The following STARD3NL variants were observed in gnomAD, a reference collection of about 807,000 sequenced individuals.
STARD3NL encodes the protein STARD3 N-terminal-like protein.
In STARD3NL, 17 loss-of-function variants were observed where a neutral mutation model predicts 30.9. The observed-to-expected ratio is 0.55, with a 90% confidence interval of 0.38 to 0.82. The LOEUF (loss-of-function observed/expected upper bound fraction) is 0.82. STARD3NL is among the 40% of genes least tolerant of loss of function. The pLI is 0.00. For synonymous variants in STARD3NL, 112 were observed against 100.5 expected, an observed-to-expected ratio of 1.11 and a Z score of -0.69; for missense variants, 234 against 277.6, an observed-to-expected ratio of 0.84 and a Z score of 1.12.
intron 6 of STARD3NL, among the ~76,000 whole-genome samples, chr7:38,218,049 A>G (rs1457023728): frequency 6.6e-6 from 1 of 152,176 alleles, no homozygotes; most frequent in Non-Finnish European, 1.5e-5. Context: ...CTTTATGGTA[A>G]ATTACCAAGC....
At chr7:38,219,154 C>T (rs1305993600) in intron 6 of STARD3NL, among the ~76,000 whole-genome samples, 1 of 152,180 alleles carries the variant, frequency 6.6e-6, no homozygotes, top group Non-Finnish European at 1.5e-5. Context: ...TCAAGCAATC[C>T]TCCCACCTTA....
intron 7 of STARD3NL, among the ~76,000 whole-genome samples, chr7:38,221,633 AGTATAT>A (rs2116400601): frequency 6.6e-6 from 1 of 152,366 alleles, no homozygotes; most frequent in East Asian, 1.9e-4. Context: ...TAACTGCTAA[AGTATAT>A]TAGCCTCTTG....
intron 1 of STARD3NL, among the ~76,000 whole-genome samples, chr7:38,203,178 T>C (rs1785271672): frequency 6.6e-6 from 1 of 152,018 alleles, no homozygotes; most frequent in South Asian, 2.1e-4. Context: ...AGACACATAA[T>C]TGTCAGATTC....
At chr7:38,213,108 G>A (rs1168847077) in intron 2 of STARD3NL, among the ~76,000 whole-genome samples, 4 of 152,180 alleles carry the variant, frequency 2.6e-5, no homozygotes, top group African/African-American at 9.7e-5. Context: ...GCAAGGGGAG[G>A]TCTCTATGTG....
At chr7:38,201,997 T>C (rs1031887453) in intron 1 of STARD3NL, 1 of 152,220 alleles carries the variant, frequency 6.6e-6, no homozygotes, top group African/African-American at 2.4e-5. Flanking sequence ...CCTCAGCTAT[T>C]TTCTTAAACT....
intron 1 of STARD3NL, among the ~76,000 whole-genome samples, chr7:38,192,335 G>A (rs1008203747): frequency 4.6e-5 from 7 of 152,240 alleles, no homozygotes; most frequent in Admixed American, 4.6e-4. Flanking sequence ...AAAGTATGCG[G>A]CATGATAGAT....
intron 1 of STARD3NL, among the ~76,000 whole-genome samples, chr7:38,185,278 T>C (rs1269368310): frequency 6.6e-6 from 1 of 152,246 alleles, no homozygotes; most frequent in East Asian, 1.9e-4. Context: ...ATTTTGAGAC[T>C]GACTTTCCCT....
chr7:38,179,692 A>G (rs1784169352), intron 1 of STARD3NL, among the ~76,000 whole-genome samples: 2 of 152,254 alleles, frequency 1.3e-5, no homozygotes, highest in Non-Finnish European at 2.9e-5. Context: ...CATGTAAATC[A>G]AAGAGACAAG....
chr7:38,190,455 GTGTA>G (rs1373060267), intron 1 of STARD3NL, among the ~76,000 whole-genome samples: 1 of 152,136 alleles, frequency 6.6e-6, no homozygotes, highest in Non-Finnish European at 1.5e-5. Flanking sequence ...TTCATATTGT[GTGTA>G]TGTGTGTATA....
chr7:38,193,279 T>C (rs1017356893), intron 1 of STARD3NL, among the ~76,000 whole-genome samples: 1 of 131,790 alleles, frequency 7.6e-6, no homozygotes, highest in Non-Finnish European at 1.7e-5. Context: ...TTAGGATTAG[T>C]TTTTTGTTGT....
At chr7:38,201,596 AGACTG>A (rs762171211) in intron 1 of STARD3NL, 24 of 152,240 alleles carry the variant, frequency 1.6e-4, no homozygotes, top group Non-Finnish European at 3.1e-4. Context: ...GCTAATTATT[AGACTG>A]GCTTAGAATT....
At chr7:38,225,881 T>C (rs1295555397) in intron 7 of STARD3NL, among the ~76,000 whole-genome samples, 1 of 152,226 alleles carries the variant, frequency 6.6e-6, no homozygotes, top group Non-Finnish European at 1.5e-5. Flanking sequence ...TGGATCTCTT[T>C]GTATATATCC....
intron 4 of STARD3NL, 52 bp from the exon 5 acceptor site, chr7:38,216,973 T>C (rs1786154338): frequency 1.2e-6 from 2 of 1,602,260 alleles, no homozygotes; most frequent in Admixed American, 3.4e-5. Context: ...GGGAGGTACC[T>C]TCACAGTGTG....
intron 7 of STARD3NL, among the ~76,000 whole-genome samples, chr7:38,225,523 G>A (rs899626973): frequency 6.9e-6 from 1 of 145,570 alleles, no homozygotes; most frequent in Admixed American, 7.0e-5. Context: ...TATGGAGGAG[G>A]TAAGGGATTA....
intron 3 of STARD3NL, 49 bp from the exon 4 acceptor site, chr7:38,214,979 C>T (rs745918813): frequency 1.3e-6 from 2 of 1,533,808 alleles, no homozygotes; most frequent in South Asian, 1.1e-5. Context: ...AAAGCTGTGT[C>T]ATTTTTGTAT....
chr7:38,214,405 G>T lies in STARD3NL; in HGVS notation c.274G>T (p.Asp92Tyr). 1 of 1,605,928 alleles carries T rather than the reference G, an allele frequency of 6.2e-7. No homozygotes were observed. Among genetic ancestry groups the T allele is most frequent in the South Asian group, 1.1e-5 (1 of 90,676 alleles). Residue 92 changes from aspartate (D) to tyrosine (Y), a missense_variant, in exon 3 of 9, where the codon GAC becomes TAC. Coordinates refer to ENST00000009041, the MANE Select transcript of STARD3NL (RefSeq NM_032016.4). ...NTLEKEVMQY[D>Y]YYSSYFDIFL... ...ATTAGAGAAGGAGGTGATGCAGTAT[G>T]ACTACTATTCTTCATATTTTGATAT...
At chr7:38,228,660 A>G (rs771143051) in intron 7 of STARD3NL, 139 bp from the exon 8 acceptor site, 11 of 610,930 alleles carry the variant, frequency 1.8e-5, no homozygotes, top group East Asian at 1.2e-4. Context: ...ATAGCAGTTA[A>G]CCTAAATCTC....
intron 1 of STARD3NL, among the ~76,000 whole-genome samples, chr7:38,198,826 G>A (rs1785044866): frequency 6.6e-6 from 1 of 152,208 alleles, no homozygotes; most frequent in Non-Finnish European, 1.5e-5. Context: ...TCACTTCTGT[G>A]TGGAAGCAGA....
intron 1 of STARD3NL, among the ~76,000 whole-genome samples, chr7:38,196,666 A>G (rs1784910221): frequency 2.6e-5 from 4 of 152,192 alleles, no homozygotes; most frequent in Admixed American, 2.6e-4. Context: ...GTAATACCAA[A>G]TAACTGGCCG....
Sources: allele counts gnomAD v4.1 joint callset (sites outside exome capture counted in the v4.1 genomes callset), GRCh38; gene constraint gnomAD v4.1.1; transcripts MANE v1.5; gene names NCBI Gene and HGNC (gene_info 2026-07-23, HGNC 2026-07-21).